NPY: variants seen among roughly 807,000 people sequenced by gnomAD.
NPY encodes pro-neuropeptide Y.
In NPY, 11 loss-of-function variants were observed where a neutral mutation model predicts 13.2. That is an observed-to-expected ratio of 0.83 (90% CI 0.52 to 1.38). NPY has a LOEUF of 1.38. Among genes scored for constraint, NPY ranks in the 40% most tolerant of loss-of-function variants. The pLI is 0.00. For missense variants in NPY, 109 were observed against 125.1 expected (o/e 0.87, Z 0.61); for synonymous variants, 51 against 55.6 (o/e 0.92, Z 0.37).
At chr7:24,287,657 C>T (rs941663056) in intron 2 of NPY, among the ~76,000 whole-genome samples, 2 of 151,870 alleles carry the variant, frequency 1.3e-5, no homozygotes, top group Non-Finnish European at 2.9e-5. Context: ...TGTCTGGAGA[C>T]ATTTTTGGTT....
chr7:24,286,670 T>C (rs1388171957), intron 2 of NPY, among the ~76,000 whole-genome samples: 1 of 152,178 alleles, frequency 6.6e-6, no homozygotes, highest in Non-Finnish European at 1.5e-5. Context: ...CTGAAAAACA[T>C]GAAAATGCCA....
intron 2 of NPY, among the ~76,000 whole-genome samples, chr7:24,289,026 AT>A (rs561021607): frequency 2.7e-5 from 4 of 150,460 alleles, no homozygotes; most frequent in South Asian, 2.1e-4. Flanking sequence ...CAATCTGCTG[AT>A]TTTTTTTTTC....
chr7:24,288,696 A>G (rs1198476414), intron 2 of NPY, among the ~76,000 whole-genome samples: 1 of 137,890 alleles, frequency 7.3e-6, no homozygotes, highest in African/African-American at 2.8e-5. Flanking sequence ...AGAAAAAAAA[A>G]AAAAAAAAAA....
chr7:24,289,688 G>C lies in NPY; in HGVS notation c.269+109G>C. 6 of 658,414 alleles carry C rather than the reference G, an allele frequency of 9.1e-6. 1 individual carries two copies. The South Asian group carries it at 1.5e-4, about 17-fold the overall frequency. The allele number at this position is 658,414 out of a possible 1,614,324, so 40.8% of individuals were successfully genotyped here. A position where few individuals can be genotyped will look rare whatever the true frequency, so the allele number is the denominator to read the frequency against. The stretch of plus-strand genomic sequence containing the variant: ...AGGCACCACCAGGCTTCTAGACTAG[G>C]GGAGATTTCGGCAGAAATGAGGATG... On this transcript the variant is annotated intron_variant, in intron 3 of 3. Coordinates refer to ENST00000242152, the MANE Select transcript of NPY (RefSeq NM_000905.4).
chr7:24,285,514 C>A lies in NPY; in HGVS notation c.188+86C>A. 1 of 1,384,266 alleles carries A rather than the reference C, an allele frequency of 7.2e-7. No homozygotes were observed. Among genetic ancestry groups the A allele is most frequent in the Non-Finnish European group, 9.9e-7 (1 of 1,009,974 alleles). 85.7% of individuals were successfully genotyped at this position (1,384,266 alleles called of 1,614,324 possible). A position where few individuals can be genotyped will look rare whatever the true frequency, so the allele number is the denominator to read the frequency against. On this transcript the variant is annotated intron_variant, in intron 2 of 3. Coordinates refer to ENST00000242152, the MANE Select transcript of NPY (RefSeq NM_000905.4). This position sits in a 1 kb window ranked among gnomAD's most constrained non-coding sequence, Gnocchi z 4.9. Reference sequence around the variant, plus strand: ...GGGATGTTAGGGAAAGGGATTGTTTCTTTTCCTTCGCTCTATCCCAGGGCA... The same window carrying A: ...GGGATGTTAGGGAAAGGGATTGTTTATTTTCCTTCGCTCTATCCCAGGGCA...
At chr7:24,286,737 A>G (rs1272076961) in intron 2 of NPY, among the ~76,000 whole-genome samples, 1 of 152,224 alleles carries the variant, frequency 6.6e-6, no homozygotes, top group Non-Finnish European at 1.5e-5. Context: ...AATTAGCAAA[A>G]AGCAATAATA....
intron 3 of NPY, among the ~76,000 whole-genome samples, chr7:24,290,592 G>T (rs1296402082): frequency 6.6e-6 from 1 of 151,810 alleles, no homozygotes; most frequent in Admixed American, 6.6e-5. Flanking sequence ...CAGCCAGCAT[G>T]AAGGGTGTTA....
intron 1 of NPY, 71 bp downstream of exon 1, chr7:24,284,346 C>G (rs1448843412): frequency 6.6e-6 from 1 of 152,490 alleles, no homozygotes; most frequent in South Asian, 2.1e-4. Context: ...AGAGACGCAG[C>G]CTCCCGCTCT....
intron 3 of NPY, among the ~76,000 whole-genome samples, chr7:24,290,349 C>G (rs149480409): frequency 1.3e-5 from 2 of 152,124 alleles, no homozygotes; most frequent in African/African-American, 4.8e-5. Flanking sequence ...TGTCTCTAAC[C>G]ACAGTAAGAT....
At chr7:24,289,965 A>G (rs1787540960) in intron 3 of NPY, among the ~76,000 whole-genome samples, 1 of 152,178 alleles carries the variant, frequency 6.6e-6, no homozygotes, top group African/African-American at 2.4e-5. Context: ...TAGATTTTAT[A>G]TATGTGGAGT....
At position 24,285,051 on chromosome 7, in the gene NPY, A is replaced by G. The variant is rs16142; in HGVS notation, c.1-190A>G. The G allele has an allele frequency of 0.28, 172,826 of 621,746 alleles. 25,406 individuals carry two copies. Among genetic ancestry groups the G allele is most frequent in the African/African-American group, 0.44 (24,063 of 54,292 alleles). 38.5% of individuals were successfully genotyped at this position (621,746 alleles called of 1,614,324 possible). A position where few individuals can be genotyped will look rare whatever the true frequency, so the allele number is the denominator to read the frequency against. ...AGGTGGAGCAGAGGGGCAGGTCCCG[A>G]CCGGACGGCGCCCGGAGCCCGCAAG... On this transcript the variant is annotated intron_variant, in intron 1 of 3. Transcript: ENST00000242152. This position sits in a 1 kb window ranked among gnomAD's most constrained non-coding sequence, Gnocchi z 4.9.
intron 2 of NPY, among the ~76,000 whole-genome samples, chr7:24,287,698 C>T (rs1197836677): frequency 1.3e-5 from 2 of 152,068 alleles, no homozygotes; most frequent in African/African-American, 4.8e-5. Flanking sequence ...CTGCTGGTAC[C>T]TAGGTGTATA....
rs762756465 is a variant in NPY, at chr7:24,285,317, C to T, written c.77C>T (p.Ala26Val). 6.2e-7 allele frequency: 1 copy of T among 1,613,918 alleles called. No individual in the cohort carries two copies. Among genetic ancestry groups the T allele is most frequent in the Non-Finnish European group, 8.5e-7 (1 of 1,180,028 alleles). Residue 26 changes from alanine (A) to valine (V), a missense_variant, in exon 2 of 4, where the codon GCC becomes GTC. Coordinates refer to ENST00000242152, the MANE Select transcript of NPY (RefSeq NM_000905.4). The surrounding 1 kb of genome is among the most constrained non-coding windows in gnomAD (Gnocchi z 4.9). ...CTGCTCGTGTGCCTGGGTGCGCTGG[C>T]CGAGGCGTACCCCTCCAAGCCGGAC... ...LSLLVCLGAL[A>V]EAYPSKPDNP...
At chr7:24,287,835 C>T (rs1478032925) in intron 2 of NPY, among the ~76,000 whole-genome samples, 1 of 152,146 alleles carries the variant, frequency 6.6e-6, no homozygotes, top group Non-Finnish European at 1.5e-5. Context: ...TTAAAATTAT[C>T]AGGGGAGCTT....
At position 24,285,469 on chromosome 7, in the gene NPY, C is replaced by G. The variant is rs749861505; in HGVS notation, c.188+41C>G. On this transcript the variant is annotated intron_variant, in intron 2 of 3. Coordinates refer to ENST00000242152, the MANE Select transcript of NPY (RefSeq NM_000905.4). The surrounding 1 kb of genome is among the most constrained non-coding windows in gnomAD (Gnocchi z 4.9). Reference sequence around the variant, plus strand: ...GGACCGATTCCGGGAGCGCCAGTGCCTGCACACCAGGAGATCCTGGGGATG... The same window carrying G: ...GGACCGATTCCGGGAGCGCCAGTGCGTGCACACCAGGAGATCCTGGGGATG... The G allele has an allele frequency of 2.5e-6, 4 of 1,584,214 alleles. No homozygotes were observed. The highest frequency in any genetic ancestry group is 3.5e-6 in the Non-Finnish European group (4 of 1,158,040).
intron 3 of NPY, among the ~76,000 whole-genome samples, chr7:24,290,747 C>CT (rs1247485340): frequency 9.6e-6 from 1 of 103,944 alleles, no homozygotes; most frequent in Non-Finnish European, 2.1e-5. Flanking sequence ...TAAGGGTTAT[C>CT]TTTTTTTAAT....
At chr7:24,290,321 T>C (rs1787554366) in intron 3 of NPY, among the ~76,000 whole-genome samples, 1 of 152,134 alleles carries the variant, frequency 6.6e-6, no homozygotes, top group African/African-American at 2.4e-5. Flanking sequence ...ACCTCCTGAC[T>C]CTTCAGTCCT....
rs541881410 is a variant in NPY, at chr7:24,287,634, T to C, written c.189-1865T>C. On this transcript the variant is annotated intron_variant, in intron 2 of 3. Coordinates refer to ENST00000242152, the MANE Select transcript of NPY (RefSeq NM_000905.4). ...TGGGGGTGATTTTATGCTCCCCAGGTGTGATTTGGCAGTGTCTGGAGACAT... is the reference window on the plus strand; with the variant it reads ...TGGGGGTGATTTTATGCTCCCCAGGCGTGATTTGGCAGTGTCTGGAGACAT... 3.3e-5 allele frequency among the ~76,000 whole-genome samples: 5 copies of C among 152,180 alleles called. No individual in the cohort carries two copies. The South Asian group carries it at 1.0e-3, about 32-fold the overall frequency.
Position 24,291,753 on chromosome 7 carries a change from G to T in NPY, c.*66G>T. The T allele has an allele frequency of 6.3e-7, 1 of 1,585,028 alleles. No homozygotes were observed. Among genetic ancestry groups the T allele is most frequent in the Middle Eastern group, 1.7e-4 (1 of 6,000 alleles). ...GCCCATATTTCATCGTGTAAAACGA[G>T]AATCCACCCATCCTACCAATGCATG... On this transcript the variant is annotated 3_prime_UTR_variant, in exon 4 of 4. Coordinates refer to ENST00000242152, the MANE Select transcript of NPY (RefSeq NM_000905.4).
Sources: allele counts gnomAD v4.1 joint callset (sites outside exome capture counted in the v4.1 genomes callset), GRCh38; gene constraint gnomAD v4.1.1; non-coding constraint Gnocchi (gnomAD v3.1); transcripts MANE v1.5; gene names NCBI Gene and HGNC (gene_info 2026-07-23, HGNC 2026-07-21).